The following STX11 variants were observed in gnomAD, a reference collection of about 807,000 sequenced individuals.
STX11 encodes the protein syntaxin-11.
STX11 carries 21 observed loss-of-function variants against 19.9 expected under a neutral mutation model. The observed-to-expected ratio is 1.06, with a 90% confidence interval of 0.75 to 1.52. STX11 has a LOEUF of 1.52. STX11 is among the 40% of genes most tolerant of loss of function. The probability of loss-of-function intolerance (pLI) is 0.00; values close to 1 mark genes in which losing one functional copy is unlikely to be tolerated. For missense variants in STX11, 438 were observed against 405.9 expected, an observed-to-expected ratio of 1.08 and a Z score of -0.68; for synonymous variants, 193 against 174.4, an observed-to-expected ratio of 1.11 and a Z score of -0.84.
rs1453803390 is a variant in STX11, at chr6:144,181,790, A to G, written c.-5-4833A>G. Among the ~76,000 whole-genome samples, 3 of 152,158 alleles carry G rather than the reference A, an allele frequency of 2.0e-5. No homozygotes were observed. In the East Asian group the frequency reaches 5.8e-4, roughly 29 times the overall value. ...CTTGCAGACCGAGGACCACTGAGCT[A>G]CCATCATCTCTTTGTTCCTTTGTTT... On this transcript the variant is annotated intron_variant, in intron 1 of 1. Coordinates refer to ENST00000367568, the MANE Select transcript of STX11 (RefSeq NM_003764.4).
At chr6:144,168,857 G>A (rs1801553024) in intron 1 of STX11, among the ~76,000 whole-genome samples, 1 of 152,198 alleles carries the variant, frequency 6.6e-6, no homozygotes, top group Admixed American at 6.5e-5. Context: ...TTGTCACATG[G>A]GTGAAGTAGA....
In STX11 at chr6:144,176,559, A is replaced by G. The variant is rs562193663; in HGVS notation, c.-5-10064A>G. ...CAGACACACGCAGAAAGTTACTATT[A>G]TAGAATGTTTGCTTCTCGAATGTCT... On this transcript the variant is annotated intron_variant, in intron 1 of 1. Transcript: ENST00000367568. This position sits in a 1 kb window ranked among gnomAD's most constrained non-coding sequence, Gnocchi z 4.1. 2.6e-4 allele frequency among the ~76,000 whole-genome samples: 39 copies of G among 152,256 alleles called. No individual in the cohort carries two copies. The highest frequency in any genetic ancestry group is 9.4e-4 in the African/African-American group (39 of 41,542).
Position 144,174,351 on chromosome 6 carries a change from G to A in STX11, c.-5-12272G>A, listed in dbSNP as rs566275629. 6.6e-6 allele frequency among the ~76,000 whole-genome samples: 1 copy of A among 152,272 alleles called. No individual in the cohort carries two copies. The highest frequency in any genetic ancestry group is 6.5e-5 in the Admixed American group (1 of 15,286). On this transcript the variant is annotated intron_variant, in intron 1 of 1. Transcript: ENST00000367568. The surrounding 1 kb of genome is among the most constrained non-coding windows in gnomAD (Gnocchi z 5.3). Reference sequence around the variant, plus strand: ...TGATCAGAGAAGCTGCAAAGAATTTGTAGTAAGAAGATTTTTATTTTTATT... The same window carrying A: ...TGATCAGAGAAGCTGCAAAGAATTTATAGTAAGAAGATTTTTATTTTTATT...
At position 144,191,242 on chromosome 6, in the gene STX11, A is replaced by T. The variant is rs570691560; in HGVS notation, c.*3751A>T. Among the ~76,000 whole-genome samples, 24 of 147,444 alleles carry T rather than the reference A, an allele frequency of 1.6e-4. No individual in the cohort carries two copies. The highest frequency in any genetic ancestry group is 5.8e-4 in the African/African-American group (23 of 39,526). ...TGGTAACAACTCCAGAAATGTCCTA[A>T]CTAGGAAAGGTGCTCATCTAGTATG... is the stretch of plus-strand genomic sequence containing the variant. On this transcript the variant is annotated 3_prime_UTR_variant, in exon 2 of 2. Coordinates refer to ENST00000367568, the MANE Select transcript of STX11 (RefSeq NM_003764.4).
chr6:144,140,231 T>A, the STX11 span, among the ~76,000 whole-genome samples: 70 of 45,802 alleles, frequency 1.5e-3, 2 homozygotes, highest in African/African-American at 9.3e-3. Context: ...TATATATATA[T>A]ATATATATAT....
intron 1 of STX11, among the ~76,000 whole-genome samples, chr6:144,163,063 A>C (rs999773315): frequency 3.3e-5 from 5 of 152,202 alleles, no homozygotes; most frequent in Non-Finnish European, 7.3e-5. Context: ...CAGTGATTGA[A>C]ATTAATAAAT....
chr6:144,157,701 AAAG>A (rs1393155365), intron 1 of STX11, among the ~76,000 whole-genome samples: 1 of 152,184 alleles, frequency 6.6e-6, no homozygotes, highest in African/African-American at 2.4e-5. Flanking sequence ...GGTGTTTAAC[AAAG>A]AAGGCTAAAC....
the STX11 span, chr6:144,140,723 A>C: frequency 3.0e-6 from 3 of 984,952 alleles, no homozygotes; most frequent in Admixed American, 6.2e-5. Flanking sequence ...CAAAGGGAAA[A>C]GTAAGACAAA....
chr6:144,173,396 T>C (rs1801694482), intron 1 of STX11, among the ~76,000 whole-genome samples: 1 of 152,252 alleles, frequency 6.6e-6, no homozygotes, highest in Admixed American at 6.5e-5. Context: ...TTTGTCTAGC[T>C]GAGAAGGTCT....
chr6:144,185,559 C>A (rs1802007250), intron 1 of STX11, among the ~76,000 whole-genome samples: 1 of 152,190 alleles, frequency 6.6e-6, no homozygotes, highest in Non-Finnish European at 1.5e-5. Context: ...CCAGAACCAT[C>A]CTTGTAAAAA....
At chr6:144,171,653 C>T (rs567252785) in intron 1 of STX11, among the ~76,000 whole-genome samples, 1 of 152,258 alleles carries the variant, frequency 6.6e-6, no homozygotes, top group South Asian at 2.1e-4. Context: ...ACTGTATTAT[C>T]GAACAGCTTT....
At chr6:144,157,279 G>T (rs1250561654) in intron 1 of STX11, among the ~76,000 whole-genome samples, 1 of 152,200 alleles carries the variant, frequency 6.6e-6, no homozygotes, top group African/African-American at 2.4e-5. Flanking sequence ...GTTCAGAATT[G>T]TTCTGCCTCC....
rs1802042524 is a variant in STX11 at position 144,186,620 on chromosome 6, C to G, written c.-5-3C>G. On this transcript the variant is annotated splice_polypyrimidine_tract_variant and splice_region_variant and intron_variant, in intron 1 of 1. Transcript: ENST00000367568. ...AATTTAACTTCATTATCTCTACTTG[C>G]AGGCAAAATGAAAGACCGGCTAGCA... 1.2e-6 allele frequency: 2 copies of G among 1,613,904 alleles called. No individual in the cohort carries two copies. Among genetic ancestry groups the G allele is most frequent in the African/African-American group, 2.7e-5 (2 of 74,928 alleles).
At chr6:144,150,970 C>G (rs1584007138) in intron 1 of STX11, among the ~76,000 whole-genome samples, 1 of 152,188 alleles carries the variant, frequency 6.6e-6, no homozygotes, top group South Asian at 2.1e-4. Context: ...GGATTTAGTG[C>G]TTCGTAAGAA....
chr6:144,163,823 T>C (rs1294993791), intron 1 of STX11, among the ~76,000 whole-genome samples: 1 of 151,966 alleles, frequency 6.6e-6, no homozygotes, highest in Admixed American at 6.6e-5. Context: ...GCACATGGCT[T>C]GTAGTCCCAG....
rs536170922 is a variant in STX11, at chr6:144,152,889, C to T, written c.-6+2186C>T. Among the ~76,000 whole-genome samples the T allele has an allele frequency of 1.3e-5, 2 of 152,370 alleles. No individual in the cohort carries two copies. Among genetic ancestry groups the T allele is most frequent in the East Asian group, 1.9e-4 (1 of 5,190 alleles). ...CCTCAGGTGATCTGCTTGCCTTGGC[C>T]TCCCAAAGTGCTGGGATTGCAGATG... is the stretch of plus-strand genomic sequence containing the variant. On this transcript the variant is annotated intron_variant, in intron 1 of 1. Transcript: ENST00000367568. The surrounding 1 kb of genome is among the most constrained non-coding windows in gnomAD (Gnocchi z 4.9).
At chr6:144,149,729 G>A (rs1417803410), upstream of STX11, among the ~76,000 whole-genome samples, 1 of 152,152 alleles carries the variant, frequency 6.6e-6, no homozygotes, top group Non-Finnish European at 1.5e-5. This position sits in a 1 kb window ranked among gnomAD's most constrained non-coding sequence, Gnocchi z 5.1. Context: ...TCCCCCTTCG[G>A]CCTCCCAAAG....
rs1209286949 is a variant in STX11 at position 144,186,696 on chromosome 6, C to T, written c.69C>T (p.Asp23=). The T allele has an allele frequency of 6.2e-7, 1 of 1,614,180 alleles. No individual in the cohort carries two copies. The highest frequency in any genetic ancestry group is 1.3e-5 in the African/African-American group (1 of 75,052). The change falls in exon 2 of 2, where the codon GAC becomes GAT. Residue 23 remains aspartate (D), a synonymous_variant. Coordinates refer to ENST00000367568, the MANE Select transcript of STX11 (RefSeq NM_003764.4). The part of the protein sequence containing the change: ...KQYDQQFPDG[D]DEFDSPHEDI... ...ATGACCAGCAGTTCCCAGACGGGGA[C>T]GATGAGTTTGACTCGCCCCACGAGG...
At position 144,187,161 on chromosome 6, in the gene STX11, G is replaced by T. The variant is rs1417446937; in HGVS notation, c.534G>T (p.Glu178Asp). ...MGKEVSGDQIEDMFEQGKWDV... is the reference protein window; with the variant it reads ...MGKEVSGDQIDDMFEQGKWDV... ...AGGAAGTCTCGGGCGACCAGATCGA[G>T]GACATGTTCGAGCAGGGTAAGTGGG... The change falls in exon 2 of 2, where the codon GAG (glutamate) becomes GAT (aspartate). Residue 178 changes from glutamate (E) to aspartate (D), a missense_variant. Physicochemically the swap from Glu to Asp is conservative, Grantham distance 45. Transcript: ENST00000367568. This position sits in a 1 kb window ranked among gnomAD's most constrained non-coding sequence, Gnocchi z 5.6. The T allele has an allele frequency of 6.2e-7, 1 of 1,613,908 alleles. No homozygotes were observed. The highest frequency in any genetic ancestry group is 8.5e-7 in the Non-Finnish European group (1 of 1,180,020).
Sources: allele counts gnomAD v4.1 joint callset (sites outside exome capture counted in the v4.1 genomes callset), GRCh38; gene constraint gnomAD v4.1.1; non-coding constraint Gnocchi (gnomAD v3.1); transcripts MANE v1.5; gene names NCBI Gene and HGNC (gene_info 2026-07-23, HGNC 2026-07-21).